FZD2: variants seen among roughly 807,000 people sequenced by gnomAD.
The protein encoded by FZD2 is frizzled-2.
Under a neutral mutation model 36.7 loss-of-function variants are expected in FZD2, and 17 were observed. The observed-to-expected ratio is 0.46, with a 90% CI of 0.32 to 0.70. The LOEUF (loss-of-function observed/expected upper bound fraction) is 0.70. Among genes scored for constraint, FZD2 ranks in the 30% least tolerant of loss-of-function variants. The pLI, the probability that FZD2 is intolerant of heterozygous loss-of-function variation, is 0.04. For missense variants in FZD2, 525 were observed against 805.6 expected, an observed-to-expected ratio of 0.65 and a Z score of 4.22; for synonymous variants, 333 against 359.6, an observed-to-expected ratio of 0.93 and a Z score of 0.84.
In FZD2 at chr17:44,559,132, T is replaced by C. The variant is rs775481151; in HGVS notation, c.1444T>C (p.Tyr482His). The C allele has an allele frequency of 6.2e-7, 1 of 1,614,030 alleles. No homozygotes were observed. The highest frequency in any genetic ancestry group is 8.5e-7 in the Non-Finnish European group (1 of 1,180,028). ...CACCATCGTCATCGCTTGCTACTTC[T>C]ACGAGCAGGCCTTCCGCGAGCACTG... ...PATIVIACYF[Y>H]EQAFREHWER... The change falls in exon 1 of 1, where the codon TAC (tyrosine) becomes CAC (histidine). Residue 482 changes from tyrosine to histidine, a missense_variant. Around this residue, in one of 5 missense-constraint regions of FZD2, gnomAD observed 189 missense variants for 298.1 expected, o/e 0.63. Coordinates refer to ENST00000315323, the MANE Select transcript of FZD2 (RefSeq NM_001466.4). The surrounding 1 kb of genome is among the most constrained non-coding windows in gnomAD (Gnocchi z 4.4).
In FZD2 at chr17:44,557,930, A is replaced by AGGTGCAGTGCTCGCCCGAACTGC; in HGVS notation, c.244_266dup (p.Phe90CysfsTer44). 6.2e-7 allele frequency: 1 copy of AGGTGCAGTGCTCGCCCGAACTGC among 1,614,146 alleles called. No individual in the cohort carries two copies. Among genetic ancestry groups the AGGTGCAGTGCTCGCCCGAACTGC allele is most frequent in the Non-Finnish European group, 8.5e-7 (1 of 1,179,996 alleles). On this transcript the variant is annotated frameshift_variant, in exon 1 of 1. Coordinates refer to ENST00000315323, the MANE Select transcript of FZD2 (RefSeq NM_001466.4). LOFTEE classifies it high-confidence loss of function. This position sits in a 1 kb window ranked among gnomAD's most constrained non-coding sequence, Gnocchi z 4.9. ...GTGCACCAGTTCTATCCGCTGGTGA[A>AGGTGCAGTGCTCGCCCGAACTGC]GGTGCAGTGCTCGCCCGAACTGCGC...
chr17:44,557,976 C>A lies in FZD2; in HGVS notation c.288C>A (p.Tyr96Ter). 6.2e-7 allele frequency: 1 copy of A among 1,614,042 alleles called. No homozygotes were observed. The highest frequency in any genetic ancestry group is 8.5e-7 in the Non-Finnish European group (1 of 1,180,000). The change falls in exon 1 of 1, where the codon TAC (tyrosine) becomes TAA (stop). Residue 96 changes from tyrosine to a stop codon, truncating the protein, a stop_gained. Coordinates refer to ENST00000315323, the MANE Select transcript of FZD2 (RefSeq NM_001466.4). LOFTEE classifies it high-confidence loss of function. This position sits in a 1 kb window ranked among gnomAD's most constrained non-coding sequence, Gnocchi z 4.9. ...PELRFFLCSM[Y>*]APVCTVLEQA... is the part of the protein sequence containing the mutation. ...TGCGCTTCTTCCTGTGCTCCATGTA[C>A]GCACCCGTGTGCACCGTGCTGGAAC...
Position 44,561,057 on chromosome 17 carries a change from A to T in FZD2, c.*1671A>T, listed in dbSNP as rs772278196. Among the ~76,000 whole-genome samples the T allele has an allele frequency of 2.6e-5, 4 of 152,214 alleles. No homozygotes were observed. The highest frequency in any genetic ancestry group is 4.4e-5 in the Non-Finnish European group (3 of 68,042). The stretch of plus-strand genomic sequence containing the variant: ...GTTAACTTCCTGAGAAGTGATGTCT[A>T]AAAGTATCTTTGCTGGTGTGAGAAC... On this transcript the variant is annotated 3_prime_UTR_variant, in exon 1 of 1. Coordinates refer to ENST00000315323, the MANE Select transcript of FZD2 (RefSeq NM_001466.4).
chr17:44,558,553 A>T lies in FZD2; in HGVS notation c.865A>T (p.Met289Leu). Residue 289 changes from methionine (M) to leucine (L), a missense_variant, in exon 1 of 1, where the codon ATG becomes TTG. Physicochemically the swap from Met to Leu is conservative, Grantham distance 15. Transcript: ENST00000315323. This position sits in a 1 kb window ranked among gnomAD's most constrained non-coding sequence, Gnocchi z 9.3. Reference sequence around the variant, plus strand: ...CATTTTTCTGTCGGGCTGCTACACCATGGTGTCGGTGGCCTACATCGCGGG... The same window carrying T: ...CATTTTTCTGTCGGGCTGCTACACCTTGGTGTCGGTGGCCTACATCGCGGG... Reference protein sequence around the residue: ...PIIFLSGCYTMVSVAYIAGFV... With the variant: ...PIIFLSGCYTLVSVAYIAGFV... The T allele has an allele frequency of 6.2e-7, 1 of 1,601,056 alleles. No homozygotes were observed. The highest frequency in any genetic ancestry group is 8.5e-7 in the Non-Finnish European group (1 of 1,172,780).
At position 44,558,117 on chromosome 17, in the gene FZD2, C is replaced by A; in HGVS notation, c.429C>A (p.Arg143=). The A allele has an allele frequency of 6.2e-7, 1 of 1,606,966 alleles. No individual in the cohort carries two copies. ...GCCTGCGCTGCGAGCACTTCCCGCG[C>A]CACGGCGCCGAGCAGATCTGCGTCG... The part of the protein sequence containing the change: ...PERLRCEHFP[R]HGAEQICVGQ... The change falls in exon 1 of 1, where the codon CGC becomes CGA. Residue 143 remains arginine (R), a synonymous_variant. Coordinates refer to ENST00000315323, the MANE Select transcript of FZD2 (RefSeq NM_001466.4). The surrounding 1 kb of genome is among the most constrained non-coding windows in gnomAD (Gnocchi z 9.3).
At position 44,560,936 on chromosome 17, in the gene FZD2, G is replaced by A. The variant is rs1172797123; in HGVS notation, c.*1550G>A. 6.6e-6 allele frequency among the ~76,000 whole-genome samples: 1 copy of A among 152,080 alleles called. No individual in the cohort carries two copies. Among genetic ancestry groups the A allele is most frequent in the Non-Finnish European group, 1.5e-5 (1 of 68,010 alleles). On this transcript the variant is annotated 3_prime_UTR_variant, in exon 1 of 1. Transcript: ENST00000315323. The stretch of plus-strand genomic sequence containing the variant: ...TCACCATATTGGCCAGGCTGGTCTC[G>A]AACTCCTGACCTCGTTATCTGCCTG...
Position 44,559,561 on chromosome 17 carries a change from G to A in FZD2, c.*175G>A. ...CCCCACAAGGTTTGTAATTAAAACTGTAAATAGTCTTTGTAAATTTAATTA... is the reference window on the plus strand; with the variant it reads ...CCCCACAAGGTTTGTAATTAAAACTATAAATAGTCTTTGTAAATTTAATTA... On this transcript the variant is annotated 3_prime_UTR_variant, in exon 1 of 1. Transcript: ENST00000315323. This position sits in a 1 kb window ranked among gnomAD's most constrained non-coding sequence, Gnocchi z 4.4. The A allele has an allele frequency of 1.5e-6, 1 of 681,240 alleles. No individual in the cohort carries two copies. The highest frequency in any genetic ancestry group is 3.9e-5 in the Admixed American group (1 of 25,896). The allele number at this position is 681,240 out of a possible 1,614,324, so 42.2% of individuals were successfully genotyped here.
chr17:44,560,558 G>GAAAA lies in FZD2; in HGVS notation c.*1183_*1186dup, dbSNP rs10711389. ...ATTTAAAATTTGTCCAGAAAAAAATGAAAAAAAAAAAAAAGGTGGTATCTT... is the reference window on the plus strand; with the variant it reads ...ATTTAAAATTTGTCCAGAAAAAAATGAAAAAAAAAAAAAAAAAAGGTGGTATCTT... On this transcript the variant is annotated 3_prime_UTR_variant, in exon 1 of 1. Transcript: ENST00000315323. 7.0e-6 allele frequency among the ~76,000 whole-genome samples: 1 copy of GAAAA among 142,156 alleles called. No homozygotes were observed. The allele number at this position is 142,156 out of a possible 152,430, so 93.3% of individuals were successfully genotyped here. A position where few individuals can be genotyped will look rare whatever the true frequency, so the allele number is the denominator to read the frequency against.
rs1247540055 is a variant in FZD2 at position 44,558,575 on chromosome 17, C to T, written c.887C>T (p.Ala296Val). Residue 296 changes from alanine to valine, a missense_variant, in exon 1 of 1, where the codon GCG becomes GTG. Ala to Val is a moderately conservative substitution (Grantham distance 64). Coordinates refer to ENST00000315323, the MANE Select transcript of FZD2 (RefSeq NM_001466.4). The surrounding 1 kb of genome is among the most constrained non-coding windows in gnomAD (Gnocchi z 9.3). ...ACCATGGTGTCGGTGGCCTACATCG[C>T]GGGCTTCGTGCTCCAGGAGCGCGTG... ...CYTMVSVAYI[A>V]GFVLQERVVC... 1 of 1,607,794 alleles carries T rather than the reference C, an allele frequency of 6.2e-7. No individual in the cohort carries two copies. The highest frequency in any genetic ancestry group is 1.7e-5 in the Admixed American group (1 of 59,396).
At position 44,557,596 on chromosome 17, in the gene FZD2, C is replaced by T; in HGVS notation, c.-93C>T. ...AAAGAGGCGCGGGAGGCGGCAGCCG[C>T]AGCGAGGAGGCGGCGGGGAAGAAGC... On this transcript the variant is annotated 5_prime_UTR_variant, in exon 1 of 1. Coordinates refer to ENST00000315323, the MANE Select transcript of FZD2 (RefSeq NM_001466.4). This position sits in a 1 kb window ranked among gnomAD's most constrained non-coding sequence, Gnocchi z 4.9. 1.2e-6 allele frequency: 1 copy of T among 803,696 alleles called. No homozygotes were observed. Among genetic ancestry groups the T allele is most frequent in the South Asian group, 3.3e-5 (1 of 29,912 alleles). The allele number at this position is 803,696 out of a possible 1,614,324, so 49.8% of individuals were successfully genotyped here.
At position 44,559,526 on chromosome 17, in the gene FZD2, T is replaced by A; in HGVS notation, c.*140T>A. The A allele has an allele frequency of 8.8e-7, 1 of 1,137,386 alleles. No individual in the cohort carries two copies. The highest frequency in any genetic ancestry group is 3.1e-4 in the Middle Eastern group (1 of 3,272). 70.5% of individuals were successfully genotyped at this position (1,137,386 alleles called of 1,614,324 possible). A position where few individuals can be genotyped will look rare whatever the true frequency, so the allele number is the denominator to read the frequency against. On this transcript the variant is annotated 3_prime_UTR_variant, in exon 1 of 1. Coordinates refer to ENST00000315323, the MANE Select transcript of FZD2 (RefSeq NM_001466.4). This position sits in a 1 kb window ranked among gnomAD's most constrained non-coding sequence, Gnocchi z 4.4. ...GGTTGCTTTTTAAAAGAGAACTCTCTGCCCAACACCCCCACAAGGTTTGTA... is the reference window on the plus strand; with the variant it reads ...GGTTGCTTTTTAAAAGAGAACTCTCAGCCCAACACCCCCACAAGGTTTGTA...
chr17:44,560,788 G>A lies in FZD2; in HGVS notation c.*1402G>A, dbSNP rs568237550. ...CGCCCAGGCTGGAGTGCAGTGGTGC[G>A]ATCTTGGCTCACTGCAACCTCCACT... On this transcript the variant is annotated 3_prime_UTR_variant, in exon 1 of 1. Coordinates refer to ENST00000315323, the MANE Select transcript of FZD2 (RefSeq NM_001466.4). Among the ~76,000 whole-genome samples, 4 of 152,096 alleles carry A rather than the reference G, an allele frequency of 2.6e-5. No individual in the cohort carries two copies. Among genetic ancestry groups the A allele is most frequent in the Non-Finnish European group, 5.9e-5 (4 of 68,028 alleles).
Position 44,558,356 on chromosome 17 carries a change from C to A in FZD2, c.668C>A (p.Ala223Glu). The change falls in exon 1 of 1, where the codon GCG becomes GAG. Residue 223 changes from alanine (A) to glutamate (E), a missense_variant. By Grantham distance (107) the Ala-to-Glu change is moderately radical. This residue lies in a region of FZD2 where 257 missense variants were observed against 344.4 expected (regional missense o/e 0.75). Coordinates refer to ENST00000315323, the MANE Select transcript of FZD2 (RefSeq NM_001466.4). The surrounding 1 kb of genome is among the most constrained non-coding windows in gnomAD (Gnocchi z 9.3). ...YKFLGERDCA[A>E]PCEPARPDGS... ...TTTCTGGGCGAGCGTGATTGTGCTG[C>A]GCCCTGCGAACCTGCGCGGCCCGAT... 1 of 1,528,040 alleles carries A rather than the reference C, an allele frequency of 6.5e-7. No individual in the cohort carries two copies. The highest frequency in any genetic ancestry group is 1.4e-5 in the African/African-American group (1 of 71,782). 94.7% of individuals were successfully genotyped at this position (1,528,040 alleles called of 1,614,324 possible). A position where few individuals can be genotyped will look rare whatever the true frequency, so the allele number is the denominator to read the frequency against.
chr17:44,559,941 C>G lies in FZD2; in HGVS notation c.*555C>G, dbSNP rs1166945927. ...TTGGATTCGTTTTGTTTCCTTCCCC[C>G]TTTTCTTTCCCTACTCATTTGTCCT... is the stretch of plus-strand genomic sequence containing the variant. On this transcript the variant is annotated 3_prime_UTR_variant, in exon 1 of 1. Coordinates refer to ENST00000315323, the MANE Select transcript of FZD2 (RefSeq NM_001466.4). The surrounding 1 kb of genome is among the most constrained non-coding windows in gnomAD (Gnocchi z 4.4). 6.6e-6 allele frequency among the ~76,000 whole-genome samples: 1 copy of G among 152,106 alleles called. No individual in the cohort carries two copies. The highest frequency in any genetic ancestry group is 1.5e-5 in the Non-Finnish European group (1 of 68,034).
chr17:44,557,641 CGGGGGCGGG>C lies in FZD2; in HGVS notation c.-40_-32del. ...AGAAGCGCAGTCTCCGGGTTGGGGGCGGGGGCGGGGGGGGCGCCAAGGAGCCGGGTGGGG... is the reference window on the plus strand; with the variant it reads ...AGAAGCGCAGTCTCCGGGTTGGGGGCGGGGGCGCCAAGGAGCCGGGTGGGG... On this transcript the variant is annotated 5_prime_UTR_variant, in exon 1 of 1. Coordinates refer to ENST00000315323, the MANE Select transcript of FZD2 (RefSeq NM_001466.4). This position sits in a 1 kb window ranked among gnomAD's most constrained non-coding sequence, Gnocchi z 4.9. 1 of 1,027,564 alleles carries C rather than the reference CGGGGGCGGG, an allele frequency of 9.7e-7. No individual in the cohort carries two copies. The highest frequency in any genetic ancestry group is 1.2e-6 in the Non-Finnish European group (1 of 829,494). 63.7% of individuals were successfully genotyped at this position (1,027,564 alleles called of 1,614,324 possible).
In FZD2 at chr17:44,559,468, A is replaced by T. The variant is rs1224551443; in HGVS notation, c.*82A>T. On this transcript the variant is annotated 3_prime_UTR_variant, in exon 1 of 1. Coordinates refer to ENST00000315323, the MANE Select transcript of FZD2 (RefSeq NM_001466.4). This position sits in a 1 kb window ranked among gnomAD's most constrained non-coding sequence, Gnocchi z 4.4. ...TACAGACTCCGTATTTTATTTTTTT[A>T]AATAAAAAACGATCGAAACCATTTC... The T allele has an allele frequency of 4.8e-5, 69 of 1,428,188 alleles. No homozygotes were observed. The highest frequency in any genetic ancestry group is 6.3e-5 in the Non-Finnish European group (69 of 1,094,606). 88.5% of individuals were successfully genotyped at this position (1,428,188 alleles called of 1,614,324 possible).
chr17:44,557,733 G>A lies in FZD2; in HGVS notation c.45G>A (p.Leu15=). 4 of 1,605,192 alleles carry A rather than the reference G, an allele frequency of 2.5e-6. No individual in the cohort carries two copies. Among genetic ancestry groups the A allele is most frequent in the Non-Finnish European group, 3.4e-6 (4 of 1,177,010 alleles). Residue 15 remains leucine (L), a synonymous_variant, in exon 1 of 1, where the codon CTG becomes CTA. Coordinates refer to ENST00000315323, the MANE Select transcript of FZD2 (RefSeq NM_001466.4). The surrounding 1 kb of genome is among the most constrained non-coding windows in gnomAD (Gnocchi z 4.9). The part of the protein sequence containing the change: ...SALPRLLLPL[L]LLPAAGPAQF... ...TGCCCCGCCTGCTGCTGCCGCTGCT[G>A]CTGCTGCCCGCCGCCGGGCCGGCCC...
Position 44,558,085 on chromosome 17 carries a change from C to T in FZD2, c.397C>T (p.Pro133Ser). 1 of 1,608,742 alleles carries T rather than the reference C, an allele frequency of 6.2e-7. No individual in the cohort carries two copies. The highest frequency in any genetic ancestry group is 8.5e-7 in the Non-Finnish European group (1 of 1,179,920). Reference protein sequence around the residue: ...ALMNKFGFQWPERLRCEHFPR... With the variant: ...ALMNKFGFQWSERLRCEHFPR... ...CATGAACAAGTTCGGTTTTCAGTGGCCCGAGCGCCTGCGCTGCGAGCACTT... is the reference window on the plus strand; with the variant it reads ...CATGAACAAGTTCGGTTTTCAGTGGTCCGAGCGCCTGCGCTGCGAGCACTT... The change falls in exon 1 of 1, where the codon CCC (proline) becomes TCC (serine). Residue 133 changes from proline to serine, a missense_variant. Pro to Ser is a moderately conservative substitution (Grantham distance 74, BLOSUM62 -1). Around this residue, in one of 5 missense-constraint regions of FZD2, gnomAD observed 257 missense variants for 344.4 expected, o/e 0.75. Transcript: ENST00000315323. The surrounding 1 kb of genome is among the most constrained non-coding windows in gnomAD (Gnocchi z 9.3).
rs533782629 is a variant in FZD2 at position 44,561,169 on chromosome 17, G to A, written c.*1783G>A. Reference sequence around the variant, plus strand: ...AAAGGATTAGTTTGAATACAAGTATGCCACATAACTCAGTTTTCGCCATCT... The same window carrying A: ...AAAGGATTAGTTTGAATACAAGTATACCACATAACTCAGTTTTCGCCATCT... On this transcript the variant is annotated 3_prime_UTR_variant, in exon 1 of 1. Coordinates refer to ENST00000315323, the MANE Select transcript of FZD2 (RefSeq NM_001466.4). 6.6e-6 allele frequency among the ~76,000 whole-genome samples: 1 copy of A among 152,300 alleles called. No homozygotes were observed. The highest frequency in any genetic ancestry group is 2.1e-4 in the South Asian group (1 of 4,826).
Sources: allele counts gnomAD v4.1 joint callset (sites outside exome capture counted in the v4.1 genomes callset), GRCh38; gene constraint gnomAD v4.1.1; regional missense constraint gnomAD v4.1.1; non-coding constraint Gnocchi (gnomAD v3.1); transcripts MANE v1.5; gene names NCBI Gene and HGNC (gene_info 2026-07-23, HGNC 2026-07-21).